The following CDC45 variants were observed in gnomAD, a reference collection of about 807,000 sequenced individuals.
CDC45 encodes cell division control protein 45 homolog.
Under a neutral mutation model 77.8 loss-of-function variants are expected in CDC45, and 54 were observed. That is an observed-to-expected ratio of 0.69 (90% confidence interval 0.56 to 0.87). The LOEUF (loss-of-function observed/expected upper bound fraction) is 0.87. Ranked by LOEUF, CDC45 falls within the 40% of genes least tolerant of loss-of-function variation. The pLI is 0.00. For synonymous variants in CDC45, 260 were observed against 272.1 expected, an observed-to-expected ratio of 0.96 and a Z score of 0.44; for missense variants, 649 against 721.6, an observed-to-expected ratio of 0.90 and a Z score of 1.15.
intron 13 of CDC45, among the ~76,000 whole-genome samples, chr22:19,510,538 G>A (rs916899169): frequency 2.3e-4 from 35 of 151,906 alleles, no homozygotes; most frequent in African/African-American, 8.5e-4. Context: ...CTTTTCCCTC[G>A]TCCGCCACCT....
At chr22:19,515,345 G>A (rs1933726922) in intron 15 of CDC45, among the ~76,000 whole-genome samples, 1 of 152,186 alleles carries the variant, frequency 6.6e-6, no homozygotes, top group Non-Finnish European at 1.5e-5. Flanking sequence ...CAGGGAAAGC[G>A]GGATGGTTGT....
At position 19,482,677 on chromosome 22, in the gene CDC45, T is replaced by C; in HGVS notation, c.205-13T>C. 6.2e-7 allele frequency: 1 copy of C among 1,612,204 alleles called. No individual in the cohort carries two copies. Among genetic ancestry groups the C allele is most frequent in the South Asian group, 1.1e-5 (1 of 91,016 alleles). On this transcript the variant is annotated splice_polypyrimidine_tract_variant and intron_variant, in intron 3 of 18. Coordinates refer to ENST00000263201, the MANE Select transcript of CDC45 (RefSeq NM_003504.5). ...TCGATATAGCTACTTTACAATATCT[T>C]CCTTTTTTTCAGTTTCATTATTTTA... is the stretch of plus-strand genomic sequence containing the variant.
At chr22:19,519,220 C>T (rs1334464080) in intron 18 of CDC45, among the ~76,000 whole-genome samples, 2 of 152,230 alleles carry the variant, frequency 1.3e-5, no homozygotes, top group East Asian at 3.8e-4. Context: ...CACACAGACT[C>T]CCTGGTGCTG....
chr22:19,495,803 C>CT (rs2090231846), intron 6 of CDC45, among the ~76,000 whole-genome samples, 178 bp from the exon 7 acceptor site: 1 of 152,162 alleles, frequency 6.6e-6, no homozygotes, highest in Admixed American at 6.5e-5. Context: ...GCCTGGGAGA[C>CT]ATAGCAAGAA....
intron 3 of CDC45, among the ~76,000 whole-genome samples, chr22:19,482,467 G>A (rs745991710): frequency 7.2e-5 from 11 of 152,192 alleles, no homozygotes; most frequent in Non-Finnish European, 1.5e-4. Flanking sequence ...GAGTCTCAGC[G>A]TGCTCCTGGG....
At chr22:19,513,489 C>T (rs1933624082) in intron 13 of CDC45, among the ~76,000 whole-genome samples, 1 of 152,136 alleles carries the variant, frequency 6.6e-6, no homozygotes, top group Non-Finnish European at 1.5e-5. Flanking sequence ...CTCCTCCAAA[C>T]TCCTTCCAGC....
intron 5 of CDC45, among the ~76,000 whole-genome samples, chr22:19,487,062 G>A (rs529185368): frequency 2.2e-4 from 34 of 152,140 alleles, no homozygotes; most frequent in African/African-American, 7.9e-4. Context: ...GGGAGGCCAA[G>A]GCGGGTGAAT....
intron 9 of CDC45, among the ~76,000 whole-genome samples, chr22:19,503,091 C>T (rs557139688): frequency 3.9e-5 from 6 of 152,216 alleles, no homozygotes; most frequent in East Asian, 1.9e-4. Context: ...TACTTGAACC[C>T]GGGAGGTCAA....
At chr22:19,508,151 A>G (rs962766604) in intron 12 of CDC45, among the ~76,000 whole-genome samples, 9 of 151,900 alleles carry the variant, frequency 5.9e-5, no homozygotes, top group Admixed American at 5.9e-4. Context: ...TGTGAGGTCG[A>G]CCCCAGTCTG....
chr22:19,480,401 A>G (rs1601913963), intron 2 of CDC45, among the ~76,000 whole-genome samples, 184 bp downstream of exon 2: 2 of 152,166 alleles, frequency 1.3e-5, no homozygotes, highest in Admixed American at 1.3e-4. Flanking sequence ...TCCCTGTCCC[A>G]ACGGTGTGGG....
At position 19,496,648 on chromosome 22, in the gene CDC45, TTGG is replaced by T. The variant is rs919130494; in HGVS notation, c.591+623_591+625del. On this transcript the variant is annotated intron_variant, in intron 7 of 18. Coordinates refer to ENST00000263201, the MANE Select transcript of CDC45 (RefSeq NM_003504.5). The stretch of plus-strand genomic sequence containing the variant: ...CTTGCTAATGGAAAATTCTAAACAG[TTGG>T]TGGGGAGGGTGCTGATGCTCACTTA... Among the ~76,000 whole-genome samples the T allele has an allele frequency of 8.5e-5, 13 of 152,242 alleles. No homozygotes were observed. The South Asian group carries it at 2.3e-3, about 27-fold the overall frequency.
chr22:19,493,236 T>G (rs112255615), intron 5 of CDC45, among the ~76,000 whole-genome samples: 2,265 of 116,522 alleles, frequency 0.019, 36 homozygotes, highest in African/African-American at 0.053. Context: ...GGTTTTTTTT[T>G]TTGTTGTTTT....
In CDC45 at chr22:19,479,931, AC is replaced by A. The variant is rs773050738; in HGVS notation, c.-36del. On this transcript the variant is annotated 5_prime_UTR_variant, in exon 1 of 19. Coordinates refer to ENST00000263201, the MANE Select transcript of CDC45 (RefSeq NM_003504.5). Reference sequence around the variant, plus strand: ...TCTTGACCGCCGCCGGGCTCTTGGTACCTCAGCGCGAGCGCCAGGCGTCCGG... The same window carrying A: ...TCTTGACCGCCGCCGGGCTCTTGGTACTCAGCGCGAGCGCCAGGCGTCCGG... The A allele has an allele frequency of 5.6e-6, 9 of 1,610,474 alleles. No individual in the cohort carries two copies. The South Asian group carries it at 9.9e-5, about 18-fold the overall frequency.
chr22:19,506,750 C>T (rs192837861), intron 10 of CDC45, among the ~76,000 whole-genome samples: 15 of 152,186 alleles, frequency 9.9e-5, no homozygotes, highest in East Asian at 7.8e-4. Context: ...CTGGCTAACA[C>T]GGTGAAACCT....
At chr22:19,499,737 T>C (rs2090307174) in intron 9 of CDC45, among the ~76,000 whole-genome samples, 1 of 152,174 alleles carries the variant, frequency 6.6e-6, no homozygotes, top group Admixed American at 6.5e-5. Context: ...TCTTCTTTCA[T>C]CCCTGCTAAT....
chr22:19,489,500 C>A (rs1441839170), intron 5 of CDC45, among the ~76,000 whole-genome samples: 21 of 152,048 alleles, frequency 1.4e-4, no homozygotes, highest in Admixed American at 1.4e-3. Context: ...CAGTATGTAG[C>A]CTTTTGGGAT....
chr22:19,517,506 C>T (rs1933867070), intron 17 of CDC45, among the ~76,000 whole-genome samples: 1 of 152,182 alleles, frequency 6.6e-6, no homozygotes, highest in Non-Finnish European at 1.5e-5. Context: ...GTAAAACAGA[C>T]GTATTGATAT....
At chr22:19,494,714 A>G in intron 6 of CDC45, 2 of 845,598 alleles carry the variant, frequency 2.4e-6, no homozygotes, top group Non-Finnish European at 3.8e-6. Flanking sequence ...TAAAATGAAA[A>G]TATTGGAAAG....
At chr22:19,486,495 T>C (rs1265701697) in intron 5 of CDC45, among the ~76,000 whole-genome samples, 1 of 152,216 alleles carries the variant, frequency 6.6e-6, no homozygotes, top group Non-Finnish European at 1.5e-5. Context: ...AGTTCTCTTT[T>C]CTAATATTTA....
Sources: gnomAD v4.1 joint callset for allele counts (sites outside exome capture counted in the v4.1 genomes callset) on GRCh38, gnomAD v4.1.1 for gene constraint, MANE v1.5 for transcripts, NCBI Gene and HGNC (gene_info 2026-07-23, HGNC 2026-07-21) for gene names.